Variants in TPO observed in about 807,000 individuals in gnomAD.
TPO encodes thyroid peroxidase.
A neutral mutation model predicts 96.9 loss-of-function variants in TPO; 78 were observed. That is an observed-to-expected ratio of 0.81 (90% confidence interval 0.67 to 0.97). The LOEUF is 0.97. Ranked by LOEUF, TPO falls within the 50% of genes least tolerant of loss-of-function variation. TPO has a pLI of 0.00. For synonymous variants in TPO, 547 were observed against 538.0 expected (o/e 1.02, Z -0.23); for missense variants, 1,252 against 1,274.8 (o/e 0.98, Z 0.27).
chr2:1,378,832 A>G (rs1371530088), intron 1 of TPO, among the ~76,000 whole-genome samples: 1 of 152,106 alleles, frequency 6.6e-6, no homozygotes, highest in Admixed American at 6.6e-5. Flanking sequence ...TGTTAAACCC[A>G]TTTGGCAGAG....
At chr2:1,475,350 C>A (rs1157816854) in intron 7 of TPO, among the ~76,000 whole-genome samples, 1 of 151,984 alleles carries the variant, frequency 6.6e-6, no homozygotes, top group Non-Finnish European at 1.5e-5. Flanking sequence ...TCCCTGCTGG[C>A]CCCAAGTACT....
At chr2:1,450,669 G>T (rs1461236943) in intron 5 of TPO, among the ~76,000 whole-genome samples, 1 of 152,054 alleles carries the variant, frequency 6.6e-6, no homozygotes, top group Non-Finnish European at 1.5e-5. Flanking sequence ...ATTTGCGGAG[G>T]GTCCACAACA....
chr2:1,406,248 C>T (rs1444849535), intron 1 of TPO, among the ~76,000 whole-genome samples: 3 of 152,302 alleles, frequency 2.0e-5, no homozygotes, highest in East Asian at 3.9e-4. Context: ...GCAAGGGAAG[C>T]CATGCATTCT....
intron 14 of TPO, among the ~76,000 whole-genome samples, chr2:1,506,514 T>C (rs1167638060): frequency 3.3e-5 from 5 of 152,198 alleles, no homozygotes; most frequent in Non-Finnish European, 7.3e-5. Context: ...TGTAAAAGTG[T>C]TCCTATTTCT....
upstream of TPO, among the ~76,000 whole-genome samples, chr2:1,409,234 A>G (rs1365338788): frequency 1.3e-5 from 2 of 152,208 alleles, no homozygotes; most frequent in Non-Finnish European, 2.9e-5. Flanking sequence ...TGGAGCCATT[A>G]AAATGGTTAC....
intron 8 of TPO, 93 bp from the exon 9 acceptor site, chr2:1,484,503 G>T (rs1323255751): frequency 6.5e-7 from 1 of 1,540,356 alleles, no homozygotes; most frequent in African/African-American, 1.4e-5. Context: ...GTTCCCTGGG[G>T]CTGTCAAGGA....
intron 4 of TPO, 33 bp downstream of exon 4, chr2:1,433,640 G>T (rs1381822853): frequency 6.2e-7 from 1 of 1,603,680 alleles, no homozygotes; most frequent in East Asian, 2.2e-5. Flanking sequence ...CTGAGGAGCG[G>T]CAACTCCCGA....
intron 14 of TPO, among the ~76,000 whole-genome samples, chr2:1,516,493 C>T (rs961421290): frequency 6.6e-6 from 1 of 152,328 alleles, no homozygotes; most frequent in South Asian, 2.1e-4. Context: ...CCTTGCGAAC[C>T]TTTCCCGCCC....
intron 3 of TPO, among the ~76,000 whole-genome samples, chr2:1,431,516 T>C (rs928727886): frequency 3.3e-5 from 5 of 152,266 alleles, no homozygotes; most frequent in African/African-American, 7.2e-5. Context: ...TTTTATTGTA[T>C]GTATTTCCGA....
At position 1,526,939 on chromosome 2, in the gene TPO, C is replaced by A. The variant is rs142857301; in HGVS notation, c.2618+9957C>A. Among the ~76,000 whole-genome samples the A allele has an allele frequency of 3.2e-3, 481 of 148,810 alleles. 4 individuals carry two copies. Among genetic ancestry groups the A allele is most frequent in the African/African-American group, 0.011 (456 of 40,012 alleles). ...CCCAAATCCCCTCCACTCTGTGCAA[C>A]CTCCACAAATCCCCCACACTCTGTG... On this transcript the variant is annotated intron_variant, in intron 15 of 16. Coordinates refer to ENST00000329066, the MANE Select transcript of TPO (RefSeq NM_001206744.2).
At chr2:1,493,211 G>GC (rs1390688987) in intron 10 of TPO, among the ~76,000 whole-genome samples, 1 of 123,424 alleles carries the variant, frequency 8.1e-6, no homozygotes, top group South Asian at 3.3e-4. Flanking sequence ...TGAGTGGGTG[G>GC]GGGGGGGGGT....
At chr2:1,428,724 T>C (rs1976692) in intron 3 of TPO, among the ~76,000 whole-genome samples, 3,997 of 152,302 alleles carry the variant, frequency 0.026, 132 homozygotes, top group East Asian at 0.14. Flanking sequence ...AGAGAATTCT[T>C]GTTCTTCCTA....
chr2:1,442,083 T>C (rs2148526135), intron 5 of TPO, among the ~76,000 whole-genome samples: 1 of 152,308 alleles, frequency 6.6e-6, no homozygotes, highest in Non-Finnish European at 1.5e-5. Context: ...CCGCCATCCA[T>C]GTAAGACATG....
intron 15 of TPO, among the ~76,000 whole-genome samples, chr2:1,525,293 C>T (rs1203763706): frequency 8.0e-6 from 1 of 125,428 alleles, no homozygotes; most frequent in Non-Finnish European, 1.7e-5. Context: ...CTCTGTGGAA[C>T]CTCCTCAAAT....
At chr2:1,520,051 C>T (rs1237651128) in intron 15 of TPO, among the ~76,000 whole-genome samples, 3 of 152,138 alleles carry the variant, frequency 2.0e-5, no homozygotes, top group Non-Finnish European at 4.4e-5. Flanking sequence ...GTTAATGTGC[C>T]ATCACACGCT....
At chr2:1,445,927 G>A (rs1250222422) in intron 5 of TPO, among the ~76,000 whole-genome samples, 6 of 152,162 alleles carry the variant, frequency 3.9e-5, no homozygotes, top group African/African-American at 9.7e-5. Flanking sequence ...GTATGATCCC[G>A]TCATTGCTGC....
intron 1 of TPO, among the ~76,000 whole-genome samples, chr2:1,385,874 C>T (rs1661885895): frequency 6.6e-6 from 1 of 152,116 alleles, no homozygotes; most frequent in Admixed American, 6.6e-5. Flanking sequence ...TCCCTCTACA[C>T]ACCGCTTTAA....
At chr2:1,454,009 G>A (rs1218110189) in intron 6 of TPO, among the ~76,000 whole-genome samples, 186 bp downstream of exon 6, 3 of 152,158 alleles carry the variant, frequency 2.0e-5, no homozygotes, top group African/African-American at 7.2e-5. Flanking sequence ...CAAGGCTCAG[G>A]GAGATTGAAA....
intron 8 of TPO, among the ~76,000 whole-genome samples, chr2:1,479,092 A>G (rs1454593532): frequency 6.6e-6 from 1 of 152,208 alleles, no homozygotes; most frequent in East Asian, 1.9e-4. Context: ...CGACTCAGAC[A>G]CTTTCCTGCT....
Sources: allele counts gnomAD v4.1 joint callset (sites outside exome capture counted in the v4.1 genomes callset), GRCh38; gene constraint gnomAD v4.1.1; transcripts MANE v1.5; gene names NCBI Gene and HGNC (gene_info 2026-07-23, HGNC 2026-07-21).